ATP8B4: variants seen among roughly 807,000 people sequenced by gnomAD.
The protein encoded by ATP8B4 is ATPase phospholipid transporting 8B4 (putative).
A neutral mutation model predicts 145.6 loss-of-function variants in ATP8B4; 133 were observed. The ratio of observed to expected loss-of-function variants is 0.91; its 90% CI spans 0.79 to 1.05. The LOEUF is 1.05. ATP8B4 is among the 50% of genes least tolerant of loss of function. The probability of loss-of-function intolerance (pLI) is 0.00; values close to 1 mark genes in which losing one functional copy is unlikely to be tolerated. For missense variants in ATP8B4, 1,458 were observed against 1,425.2 expected (o/e 1.02, Z -0.37); for synonymous variants, 507 against 492.9 (o/e 1.03, Z -0.38).
rs185248346 is a variant in ATP8B4 at position 50,048,394 on chromosome 15, G to A, written c.88-930C>T. On this transcript the variant is annotated intron_variant, in intron 3 of 27. Transcript: ENST00000284509. ...TCTGCAGTTAAAATGTCAGAATGTC[G>A]TTAGCTACATGCTAATAAGAAGGGC... Among the ~76,000 whole-genome samples, 16 of 152,202 alleles carry A rather than the reference G, an allele frequency of 1.1e-4. No individual in the cohort carries two copies. The East Asian group carries it at 2.3e-3, about 22-fold the overall frequency.
chr15:50,158,562 T>G (rs2044466248), intron 1 of ATP8B4, among the ~76,000 whole-genome samples: 1 of 151,976 alleles, frequency 6.6e-6, no homozygotes, highest in Admixed American at 6.5e-5. Flanking sequence ...TTCTGGGAAG[T>G]GAGGAGCCCC....
chr15:50,086,531 T>G (rs1193827681), intron 2 of ATP8B4, among the ~76,000 whole-genome samples: 1 of 90,530 alleles, frequency 1.1e-5, no homozygotes, highest in African/African-American at 6.1e-5. Context: ...GAGATCTATA[T>G]TTATTATATA....
rs1425611361 is a variant in ATP8B4 at position 50,085,821 on chromosome 15, T to C, written c.29-11636A>G. Reference sequence around the variant, plus strand: ...TTATTACGTATTTCATTTTATTATATATAATATATATGATATAGATTATTT... The same window carrying C: ...TTATTACGTATTTCATTTTATTATACATAATATATATGATATAGATTATTT... On this transcript the variant is annotated intron_variant, in intron 2 of 27. Coordinates refer to ENST00000284509, the MANE Select transcript of ATP8B4 (RefSeq NM_024837.4). Among the ~76,000 whole-genome samples, 5 of 135,884 alleles carry C rather than the reference T, an allele frequency of 3.7e-5. 1 individual carries two copies. Among genetic ancestry groups the C allele is most frequent in the African/African-American group, 1.4e-4 (5 of 35,830 alleles). 89.1% of individuals were successfully genotyped at this position (135,884 alleles called of 152,430 possible).
intron 27 of ATP8B4, among the ~76,000 whole-genome samples, chr15:49,860,940 C>A (rs148394796): frequency 3.0e-3 from 460 of 152,174 alleles, no homozygotes; most frequent in African/African-American, 0.011. Flanking sequence ...GGTAGCTCAA[C>A]GTATCATGAG....
chr15:50,115,988 G>A (rs146658434), intron 1 of ATP8B4, among the ~76,000 whole-genome samples: 8 of 152,332 alleles, frequency 5.3e-5, no homozygotes, highest in Middle Eastern at 6.8e-3. Flanking sequence ...CTCTGTGCCA[G>A]TCCAGGCTGT....
At chr15:50,115,724 G>T (rs1374087438) in intron 1 of ATP8B4, among the ~76,000 whole-genome samples, 1 of 152,076 alleles carries the variant, frequency 6.6e-6, no homozygotes, top group Non-Finnish European at 1.5e-5. Context: ...TGTCCTCATT[G>T]TCACTGCCAT....
chr15:49,919,569 C>T (rs2040065829), intron 18 of ATP8B4, among the ~76,000 whole-genome samples: 2 of 152,280 alleles, frequency 1.3e-5, no homozygotes, highest in South Asian at 2.1e-4. Context: ...AGGCGCCCGC[C>T]ACCGCACCCG....
chr15:50,167,187 A>G (rs1037737998), intron 1 of ATP8B4, among the ~76,000 whole-genome samples: 3 of 152,244 alleles, frequency 2.0e-5, no homozygotes, highest in African/African-American at 7.2e-5. Context: ...TATTTGAAAC[A>G]CAATGTGGTT....
intron 1 of ATP8B4, among the ~76,000 whole-genome samples, chr15:50,130,817 G>A (rs2057341084): frequency 6.6e-6 from 1 of 152,028 alleles, no homozygotes; most frequent in Non-Finnish European, 1.5e-5. Flanking sequence ...GTCTTGGATT[G>A]CAATGTCTAA....
chr15:50,149,183 G>A (rs1034165523), intron 1 of ATP8B4, among the ~76,000 whole-genome samples: 4 of 152,214 alleles, frequency 2.6e-5, no homozygotes, highest in Admixed American at 1.3e-4. Flanking sequence ...ATTAGGCTCA[G>A]CCTAAGATAA....
At chr15:50,131,387 A>G (rs955903938) in intron 1 of ATP8B4, among the ~76,000 whole-genome samples, 1 of 152,216 alleles carries the variant, frequency 6.6e-6, no homozygotes, top group African/African-American at 2.4e-5. Context: ...GAGGTTAAAG[A>G]ACTTTCACAA....
At chr15:49,960,178 C>A (rs572042521) in intron 14 of ATP8B4, among the ~76,000 whole-genome samples, 3 of 152,208 alleles carry the variant, frequency 2.0e-5, no homozygotes, top group South Asian at 2.1e-4. Context: ...TAGGCACCAC[C>A]ACCACGCTTG....
At chr15:49,972,865 A>G (rs901107125) in intron 12 of ATP8B4, 75 bp from the exon 13 acceptor site, 3 of 1,470,634 alleles carry the variant, frequency 2.0e-6, no homozygotes, top group Admixed American at 4.2e-5. Flanking sequence ...TTGCCAAAAT[A>G]AGAAGTCTGC....
intron 3 of ATP8B4, among the ~76,000 whole-genome samples, chr15:50,070,915 G>T (rs991883125): frequency 1.3e-5 from 2 of 152,012 alleles, no homozygotes; most frequent in Non-Finnish European, 2.9e-5. Context: ...GCTAATTTTT[G>T]TATTTTTAGT....
intron 23 of ATP8B4, among the ~76,000 whole-genome samples, chr15:49,881,338 A>C (rs1223055868): frequency 6.6e-6 from 1 of 152,236 alleles, no homozygotes; most frequent in African/African-American, 2.4e-5. Flanking sequence ...CATTTTGAGT[A>C]TATTAACTGT....
intron 2 of ATP8B4, among the ~76,000 whole-genome samples, chr15:50,080,547 C>T (rs1395831066): frequency 6.6e-6 from 1 of 151,902 alleles, no homozygotes; most frequent in Non-Finnish European, 1.5e-5. Flanking sequence ...AATCAGATCA[C>T]TAAGAAACAA....
intron 3 of ATP8B4, among the ~76,000 whole-genome samples, chr15:50,055,791 G>C (rs1485655077): frequency 6.6e-6 from 1 of 152,200 alleles, no homozygotes; most frequent in Non-Finnish European, 1.5e-5. Flanking sequence ...TGGCATAAAA[G>C]AGGAAGTAGC....
At chr15:49,946,066 A>G (rs1283636606) in intron 14 of ATP8B4, among the ~76,000 whole-genome samples, 1 of 152,220 alleles carries the variant, frequency 6.6e-6, no homozygotes, top group African/African-American at 2.4e-5. Context: ...AAATGTCCCT[A>G]TGTGAAGATG....
chr15:50,025,765 T>A (rs940173512), intron 6 of ATP8B4, among the ~76,000 whole-genome samples: 3 of 152,248 alleles, frequency 2.0e-5, no homozygotes, highest in Non-Finnish European at 4.4e-5. Flanking sequence ...GCTCTGTGAT[T>A]GCAGAGAACA....
Sources: gnomAD v4.1 joint callset for allele counts (sites outside exome capture counted in the v4.1 genomes callset) on GRCh38, gnomAD v4.1.1 for gene constraint, MANE v1.5 for transcripts, NCBI Gene and HGNC (gene_info 2026-07-23, HGNC 2026-07-21) for gene names.